CYFIP2: variants seen among roughly 807,000 people sequenced by gnomAD.
CYFIP2 encodes the protein cytoplasmic FMR1-interacting protein 2.
In CYFIP2, 29 loss-of-function variants were observed where a neutral mutation model predicts 158.7. The ratio of observed to expected loss-of-function variants is 0.18; its 90% CI spans 0.14 to 0.25. CYFIP2 has a LOEUF of 0.25. Ranked by LOEUF, CYFIP2 falls within the 10% of genes least tolerant of loss-of-function variation. The probability of loss-of-function intolerance (pLI) is 1.00; values close to 1 mark genes in which losing one functional copy is unlikely to be tolerated. For missense variants in CYFIP2, 852 were observed against 1,639.5 expected, an observed-to-expected ratio of 0.52 and a Z score of 8.29; for synonymous variants, 585 against 617.6, an observed-to-expected ratio of 0.95 and a Z score of 0.78.
intron 23 of CYFIP2, among the ~76,000 whole-genome samples, chr5:157,348,043 C>G (rs1042647468): frequency 6.6e-6 from 1 of 152,266 alleles, no homozygotes; most frequent in Non-Finnish European, 1.5e-5. Flanking sequence ...CTCACACTTT[C>G]TCCATCATCA....
chr5:157,391,263 A>G (rs112537023), intron 30 of CYFIP2, among the ~76,000 whole-genome samples: 22 of 152,300 alleles, frequency 1.4e-4, no homozygotes, highest in African/African-American at 4.8e-4. Context: ...GAGAGGAGAG[A>G]GAGGTAAGAG....
chr5:157,320,580 C>A, intron 14 of CYFIP2, 75 bp from the exon 15 acceptor site: 5 of 1,587,774 alleles, frequency 3.1e-6, no homozygotes, highest in Non-Finnish European at 4.3e-6. Context: ...ACACCACGGG[C>A]CCTAGAAACA....
At chr5:157,288,404 A>G (rs994574952) in intron 3 of CYFIP2, among the ~76,000 whole-genome samples, 1 of 152,160 alleles carries the variant, frequency 6.6e-6, no homozygotes, top group East Asian at 1.9e-4. Flanking sequence ...ACACACTCCA[A>G]CCACAGCACT....
Position 157,294,790 on chromosome 5 carries a change from T to C in CYFIP2, c.215T>C (p.Met72Thr). The change falls in exon 4 of 31, where the codon ATG (methionine) becomes ACG (threonine). Residue 72 changes from methionine to threonine, a missense_variant. Physicochemically the swap from Met to Thr is moderately conservative, Grantham distance 81 (BLOSUM62 -1). Coordinates refer to ENST00000620254, the MANE Select transcript of CYFIP2 (RefSeq NM_001037333.3). ...QATVHSSMNE[M>T]LEEGHEYAVM... is the part of the protein sequence containing the mutation. ...GCTGTTTTACCATTTCAGAATGAGA[T>C]GCTGGAGGAAGGACATGAGTATGCG... 6.2e-7 allele frequency: 1 copy of C among 1,613,718 alleles called. No individual in the cohort carries two copies. Among genetic ancestry groups the C allele is most frequent in the Non-Finnish European group, 8.5e-7 (1 of 1,179,688 alleles).
chr5:157,300,162 G>A (rs1042497985), intron 5 of CYFIP2, among the ~76,000 whole-genome samples: 1 of 152,138 alleles, frequency 6.6e-6, no homozygotes, highest in African/African-American at 2.4e-5. Context: ...TGAATAAGAC[G>A]TAATGCTCAG....
intron 1 of CYFIP2, among the ~76,000 whole-genome samples, chr5:157,278,636 G>A (rs1452913499): frequency 1.3e-5 from 2 of 152,200 alleles, no homozygotes; most frequent in African/African-American, 4.8e-5. Context: ...GAAAATCAAT[G>A]TGAAAGATCT....
chr5:157,280,363 A>ATTTTT lies in CYFIP2; in HGVS notation c.-23-4964_-23-4960dup, dbSNP rs57893061. On this transcript the variant is annotated intron_variant, in intron 1 of 30. Coordinates refer to ENST00000620254, the MANE Select transcript of CYFIP2 (RefSeq NM_001037333.3). ...AGGCACCCACCACCACGCCTGGCTAATTTTTTTTTTTTTTTTGTATTTTTA... is the reference window on the plus strand; with the variant it reads ...AGGCACCCACCACCACGCCTGGCTAATTTTTTTTTTTTTTTTTTTTTGTATTTTTA... Among the ~76,000 whole-genome samples the ATTTTT allele has an allele frequency of 5.0e-3, 665 of 133,198 alleles. 5 individuals carry two copies. Among genetic ancestry groups the ATTTTT allele is most frequent in the African/African-American group, 0.012 (411 of 35,066 alleles). The allele number at this position is 133,198 out of a possible 152,430, so 87.4% of individuals were successfully genotyped here. A position where few individuals can be genotyped will look rare whatever the true frequency, so the allele number is the denominator to read the frequency against.
intron 26 of CYFIP2, among the ~76,000 whole-genome samples, chr5:157,381,687 CT>C (rs1205459495): frequency 6.6e-6 from 1 of 152,210 alleles, no homozygotes; most frequent in African/African-American, 2.4e-5. Context: ...GGAGTTGGGG[CT>C]CCCCTCTTGA....
intron 23 of CYFIP2, among the ~76,000 whole-genome samples, chr5:157,346,407 G>A (rs1475137778): frequency 6.6e-6 from 1 of 152,126 alleles, no homozygotes; most frequent in Admixed American, 6.5e-5. Context: ...AATCTTCCTG[G>A]ATTTAAGGGT....
intron 24 of CYFIP2, among the ~76,000 whole-genome samples, chr5:157,359,702 C>T (rs772609231): frequency 6.6e-6 from 1 of 152,196 alleles, no homozygotes; most frequent in Non-Finnish European, 1.5e-5. Flanking sequence ...TTTCCTGCAA[C>T]ACTGCTGAAG....
At chr5:157,342,868 C>T (rs759622473) in intron 23 of CYFIP2, 5 of 1,610,004 alleles carry the variant, frequency 3.1e-6, no homozygotes, top group African/African-American at 1.3e-5. Context: ...ACTCTCATTC[C>T]CCACAATGAG....
chr5:157,307,149 TA>T (rs906332764), intron 8 of CYFIP2, among the ~76,000 whole-genome samples: 1 of 152,130 alleles, frequency 6.6e-6, no homozygotes, highest in Non-Finnish European at 1.5e-5. Flanking sequence ...AGATTTTTTT[TA>T]AAAAATTAAA....
chr5:157,303,107 C>A (rs1217087929), intron 7 of CYFIP2: 3 of 498,422 alleles, frequency 6.0e-6, no homozygotes, highest in Non-Finnish European at 1.1e-5. Flanking sequence ...CTCGTGAAGC[C>A]CTCTCAGCCA....
intron 15 of CYFIP2, 114 bp downstream of exon 15, chr5:157,320,916 CA>C (rs961295632): frequency 7.6e-7 from 1 of 1,321,266 alleles, no homozygotes; most frequent in African/African-American, 1.5e-5. Flanking sequence ...TCAGGAGGGG[CA>C]GGGTTGAGTG....
At chr5:157,360,115 C>T (rs1195377648) in intron 24 of CYFIP2, among the ~76,000 whole-genome samples, 167 bp from the exon 25 acceptor site, 1 of 152,230 alleles carries the variant, frequency 6.6e-6, no homozygotes, top group Non-Finnish European at 1.5e-5. Flanking sequence ...AACGAGAGAG[C>T]TCCTTTTTCA....
At chr5:157,324,096 C>T in intron 16 of CYFIP2, 22 bp downstream of exon 16, 2 of 1,595,914 alleles carry the variant, frequency 1.3e-6, no homozygotes, top group Non-Finnish European at 1.7e-6. Context: ...CCCATCCCTG[C>T]TAAGGCATGG....
At chr5:157,377,547 C>T (rs184997924) in intron 26 of CYFIP2, among the ~76,000 whole-genome samples, 1 of 152,326 alleles carries the variant, frequency 6.6e-6, no homozygotes, top group Admixed American at 6.5e-5. Flanking sequence ...ATTGCCCATT[C>T]TAGTTTTGAC....
At chr5:157,281,867 C>T (rs1202053436) in intron 1 of CYFIP2, among the ~76,000 whole-genome samples, 1 of 152,126 alleles carries the variant, frequency 6.6e-6, no homozygotes, top group East Asian at 1.9e-4. Flanking sequence ...ATATGGCTTG[C>T]CTTTCCATTG....
rs536945578 is a variant in CYFIP2, at chr5:157,282,285, G to T, written c.-23-3054G>T. 3.3e-5 allele frequency among the ~76,000 whole-genome samples: 5 copies of T among 152,310 alleles called. No individual in the cohort carries two copies. In the South Asian group the frequency reaches 1.0e-3, roughly 32 times the overall value. ...GTTATACCATATGGTGGAAGCAGGA[G>T]CAAGAGAGTGGGCAGTGTGGGGGAG... On this transcript the variant is annotated intron_variant, in intron 1 of 30. Transcript: ENST00000620254.
Sources: allele counts gnomAD v4.1 joint callset (sites outside exome capture counted in the v4.1 genomes callset), GRCh38; gene constraint gnomAD v4.1.1; transcripts MANE v1.5; gene names NCBI Gene and HGNC (gene_info 2026-07-23, HGNC 2026-07-21).